The following SERPINA3 variants were observed in gnomAD, a reference collection of about 807,000 sequenced individuals.
SERPINA3 encodes serpin family A member 3, also known as alpha-1-antichymotrypsin.
A neutral mutation model predicts 26.8 loss-of-function variants in SERPINA3; 32 were observed. The ratio of observed to expected loss-of-function variants is 1.20; its 90% CI spans 0.90 to 1.61. The LOEUF is 1.61. SERPINA3 is among the 40% of genes most tolerant of loss of function. The pLI is 0.00. For synonymous variants in SERPINA3, 252 were observed against 206.4 expected (o/e 1.22, Z -1.89); for missense variants, 632 against 517.9 (o/e 1.22, Z -2.14).
At chr14:94,620,245 G>A (rs1330260179) in intron 3 of SERPINA3, among the ~76,000 whole-genome samples, 1 of 152,188 alleles carries the variant, frequency 6.6e-6, no homozygotes, top group Non-Finnish European at 1.5e-5. Context: ...GGAACAGTCA[G>A]TGCAAGGCCT....
At chr14:94,617,862 G>GATAGA (rs1358599470) in intron 2 of SERPINA3, 1 of 152,196 alleles carries the variant, frequency 6.6e-6, no homozygotes, top group Non-Finnish European at 1.5e-5. Flanking sequence ...CATGAGGGCA[G>GATAGA]ATTCTTCTTT....
At position 94,618,950 on chromosome 14, in the gene SERPINA3, T is replaced by C. The variant is rs112859034; in HGVS notation, c.644-245T>C. The C allele has an allele frequency of 8.4e-3, 4,806 of 575,556 alleles. 190 individuals are homozygous for C. In the African/African-American group the frequency reaches 0.092, roughly 11 times the overall value. 35.7% of individuals were successfully genotyped at this position (575,556 alleles called of 1,614,324 possible). On this transcript the variant is annotated intron_variant, in intron 2 of 4. Transcript: ENST00000393078. ...TTTCTCTCTTGCACTCCTTATTCCCTGGTTCCTATTGATTTCTCATTTAGC... is the reference window on the plus strand; with the variant it reads ...TTTCTCTCTTGCACTCCTTATTCCCCGGTTCCTATTGATTTCTCATTTAGC...
intron 4 of SERPINA3, among the ~76,000 whole-genome samples, chr14:94,623,304 G>T (rs937811561): frequency 6.6e-6 from 1 of 152,148 alleles, no homozygotes; most frequent in Non-Finnish European, 1.5e-5. Context: ...AACAGTAGTG[G>T]CTGTTTTGGG....
intron 1 of SERPINA3, 64 bp from the exon 2 acceptor site, chr14:94,614,370 G>A (rs1885898123): frequency 1.3e-6 from 2 of 1,519,944 alleles, no homozygotes; most frequent in South Asian, 1.1e-5. Context: ...CTGGGTGGAG[G>A]GCAGTGGGAG....
At chr14:94,623,151 G>A (rs991359503) in intron 4 of SERPINA3, among the ~76,000 whole-genome samples, 5 of 152,216 alleles carry the variant, frequency 3.3e-5, no homozygotes, top group Admixed American at 6.5e-5. Flanking sequence ...AAAGCCCCAA[G>A]GATGTTTAAG....
intron 1 of SERPINA3, among the ~76,000 whole-genome samples, chr14:94,612,691 G>T (rs1885827162): frequency 6.6e-6 from 1 of 152,202 alleles, no homozygotes; most frequent in Non-Finnish European, 1.5e-5. Flanking sequence ...GGCCTCTATG[G>T]TCATTTCTGC....
At chr14:94,622,614 A>C (rs1595099813) in intron 4 of SERPINA3, 123 bp downstream of exon 4, 1 of 1,101,612 alleles carries the variant, frequency 9.1e-7, no homozygotes. Flanking sequence ...TTATATACTC[A>C]CCCTGCTTGG....
intron 1 of SERPINA3, chr14:94,614,196 T>A: frequency 1.8e-6 from 1 of 554,902 alleles, no homozygotes; most frequent in Non-Finnish European, 3.2e-6. Flanking sequence ...CCCTCACCGC[T>A]CTGTGCCCGG....
intron 1 of SERPINA3, 31 bp from the exon 2 acceptor site, chr14:94,614,403 C>G (rs1566845873): frequency 1.9e-6 from 3 of 1,605,950 alleles, no homozygotes; most frequent in Non-Finnish European, 2.5e-6. Context: ...CCATCTGGCC[C>G]TCTGAGACTT....
intron 1 of SERPINA3, 30 bp downstream of exon 1, chr14:94,612,477 C>A: frequency 7.7e-7 from 1 of 1,306,722 alleles, no homozygotes; most frequent in Non-Finnish European, 1.0e-6. Flanking sequence ...ATCCTGGGAG[C>A]GGAGGAATCT....
chr14:94,619,247 C>T lies in SERPINA3; in HGVS notation c.696C>T (p.Tyr232=). ...DPQDTHQSRF[Y]LSKKKWVMVP... is the part of the protein sequence containing the mutation. ...AAGATACTCATCAGTCAAGGTTCTA[C>T]TTGAGCAAGAAAAAGTGGGTAATGG... The change falls in exon 3 of 5, where the codon TAC becomes TAT. Residue 232 remains tyrosine (Y), a synonymous_variant. Coordinates refer to ENST00000393078, the MANE Select transcript of SERPINA3 (RefSeq NM_001085.5). 6.2e-7 allele frequency: 1 copy of T among 1,613,702 alleles called. No individual in the cohort carries two copies. The highest frequency in any genetic ancestry group is 8.5e-7 in the Non-Finnish European group (1 of 1,179,612).
intron 2 of SERPINA3, chr14:94,615,518 C>T (rs1885962254): frequency 4.4e-6 from 2 of 452,010 alleles, no homozygotes; most frequent in African/African-American, 2.0e-5. Context: ...GAGCACATTC[C>T]AGCCAGGGGC....
In SERPINA3 at chr14:94,614,931, G is replaced by T; in HGVS notation, c.490G>T (p.Glu164Ter). The T allele has an allele frequency of 6.2e-7, 1 of 1,613,584 alleles. No individual in the cohort carries two copies. Among genetic ancestry groups the T allele is most frequent in the South Asian group, 1.1e-5 (1 of 91,082 alleles). Residue 164 changes from glutamate to a stop codon, truncating the protein, a stop_gained, in exon 2 of 5, where the codon GAG becomes TAG. Coordinates refer to ENST00000393078, the MANE Select transcript of SERPINA3 (RefSeq NM_001085.5). LOFTEE classifies it high-confidence loss of function. ...GGATGCCAAGAGGCTGTATGGCTCC[G>T]AGGCCTTTGCCACTGACTTTCAGGA... ...TEDAKRLYGS[E>*]AFATDFQDSA...
rs2139952294 is a variant in SERPINA3 at position 94,614,027 on chromosome 14, AT to A, written c.-8-406del. On this transcript the variant is annotated intron_variant, in intron 1 of 4. Coordinates refer to ENST00000393078, the MANE Select transcript of SERPINA3 (RefSeq NM_001085.5). Reference sequence around the variant, plus strand: ...GAAGGAAGGGAGCCCCTGCTTTCTAATCCCCTAGGATGAGATCTGCTCACCA... The same window carrying A: ...GAAGGAAGGGAGCCCCTGCTTTCTAACCCCTAGGATGAGATCTGCTCACCA... The A allele has an allele frequency of 1.6e-5, 3 of 188,498 alleles. No individual in the cohort carries two copies. The Admixed American group carries it at 1.6e-4, about 10-fold the overall frequency. 11.7% of individuals were successfully genotyped at this position (188,498 alleles called of 1,614,324 possible). A position where few individuals can be genotyped will look rare whatever the true frequency, so the allele number is the denominator to read the frequency against.
At chr14:94,622,608 A>G (rs867903270) in intron 4 of SERPINA3, 117 bp downstream of exon 4, 1 of 1,139,850 alleles carries the variant, frequency 8.8e-7, no homozygotes, top group Non-Finnish European at 1.3e-6. Context: ...TTCTCATTAT[A>G]TACTCACCCT....
In SERPINA3 at chr14:94,623,938, T is replaced by C. The variant is rs1270526795; in HGVS notation, c.*124T>C. On this transcript the variant is annotated 3_prime_UTR_variant, in exon 5 of 5. Transcript: ENST00000393078. The stretch of plus-strand genomic sequence containing the variant: ...CCATGGCATGTGTGGCCCTGTCTGC[T>C]TATCCTTGGAAGGTGACAGCGATTC... The C allele has an allele frequency of 2.0e-5, 17 of 856,376 alleles. No individual in the cohort carries two copies. Among genetic ancestry groups the C allele is most frequent in the Non-Finnish European group, 3.0e-5 (15 of 506,828 alleles). The allele number at this position is 856,376 out of a possible 1,614,324, so 53.0% of individuals were successfully genotyped here. A position where few individuals can be genotyped will look rare whatever the true frequency, so the allele number is the denominator to read the frequency against.
At chr14:94,618,984 C>G in intron 2 of SERPINA3, 2 of 631,530 alleles carry the variant, frequency 3.2e-6, no homozygotes, top group East Asian at 2.7e-5. Flanking sequence ...GCACAAGGAA[C>G]TAGGTCTTTC....
chr14:94,619,041 C>T, intron 2 of SERPINA3, 154 bp from the exon 3 acceptor site: 1 of 809,272 alleles, frequency 1.2e-6, no homozygotes, highest in Non-Finnish European at 2.1e-6. Context: ...TCTCCCTCAC[C>T]CCCAATAACT....
chr14:94,614,349 C>A, intron 1 of SERPINA3, 85 bp from the exon 2 acceptor site: 1 of 1,400,786 alleles, frequency 7.1e-7, no homozygotes, highest in Non-Finnish European at 1.0e-6. Flanking sequence ...GGACAGGGAC[C>A]AGGACGCAGG....
Sources: allele counts gnomAD v4.1 joint callset (sites outside exome capture counted in the v4.1 genomes callset), GRCh38; gene constraint gnomAD v4.1.1; transcripts MANE v1.5; gene names NCBI Gene and HGNC (gene_info 2026-07-23, HGNC 2026-07-21).